TMEM132C: variants seen among roughly 807,000 people sequenced by gnomAD.
The protein encoded by TMEM132C is transmembrane protein 132C, also known as protein phosphatase 1, regulatory subunit 152.
A neutral mutation model predicts 61.4 loss-of-function variants in TMEM132C; 29 were observed. The observed-to-expected ratio is 0.47, with a 90% CI of 0.35 to 0.64. The LOEUF (loss-of-function observed/expected upper bound fraction) is 0.64, where lower values mean the gene tolerates loss of function less well. Ranked by LOEUF, TMEM132C falls within the 30% of genes least tolerant of loss-of-function variation. The pLI, the probability that TMEM132C is intolerant of heterozygous loss-of-function variation, is 0.00. For synonymous variants in TMEM132C, 656 were observed against 633.1 expected, an observed-to-expected ratio of 1.04 and a Z score of -0.54; for missense variants, 1,408 against 1,476.9, an observed-to-expected ratio of 0.95 and a Z score of 0.76.
rs1371764035 is a variant in TMEM132C, at chr12:128,707,462, A to G, written c.*1167A>G. 1 of 152,238 alleles carries G rather than the reference A, an allele frequency of 6.6e-6. No individual in the cohort carries two copies. Among genetic ancestry groups the G allele is most frequent in the Non-Finnish European group, 1.5e-5 (1 of 68,034 alleles). 9.4% of individuals were successfully genotyped at this position (152,238 alleles called of 1,614,324 possible). The stretch of plus-strand genomic sequence containing the variant: ...TTTCTTATGTTGTTGGGTGGGGTAT[A>G]CCAGCATAAACTCTAAAGATAAAAT... On this transcript the variant is annotated 3_prime_UTR_variant, in exon 9 of 9. Coordinates refer to ENST00000435159, the MANE Select transcript of TMEM132C (RefSeq NM_001136103.3).
At chr12:128,652,114 T>C (rs1954276749) in intron 4 of TMEM132C, among the ~76,000 whole-genome samples, 1 of 152,174 alleles carries the variant, frequency 6.6e-6, no homozygotes, top group African/African-American at 2.4e-5. Flanking sequence ...GACCTCTCTA[T>C]CCTTAGGGTT....
intron 2 of TMEM132C, among the ~76,000 whole-genome samples, chr12:128,536,255 G>A (rs575871977): frequency 2.6e-5 from 4 of 152,226 alleles, no homozygotes; most frequent in Non-Finnish European, 4.4e-5. Flanking sequence ...CATAGATGAT[G>A]CTGGAAACCA....
At position 128,477,845 on chromosome 12, in the gene TMEM132C, G is replaced by T. The variant is rs530068467; in HGVS notation, c.974+62225G>T. 3.3e-5 allele frequency among the ~76,000 whole-genome samples: 5 copies of T among 152,272 alleles called. No homozygotes were observed. In the South Asian group the frequency reaches 1.0e-3, roughly 32 times the overall value. On this transcript the variant is annotated intron_variant, in intron 2 of 8. Coordinates refer to ENST00000435159, the MANE Select transcript of TMEM132C (RefSeq NM_001136103.3). ...GATCTGCCCACCTCGGCCTCCCAGA[G>T]TGCTGGGGTTATAGGCGTGAGCCAC...
chr12:128,447,882 G>A (rs1194369864), intron 2 of TMEM132C, among the ~76,000 whole-genome samples: 4 of 119,760 alleles, frequency 3.3e-5, no homozygotes, highest in Non-Finnish European at 5.2e-5. Context: ...GCCCGCCACC[G>A]CGCCCGGCTA....
At position 128,668,300 on chromosome 12, in the gene TMEM132C, GAAGGGGGAAAAAAGATGTC is replaced by G. The variant is rs577102524; in HGVS notation, c.1306-1113_1306-1095del. On this transcript the variant is annotated intron_variant, in intron 4 of 8. Transcript: ENST00000435159. ...GGTTGAAGATGAGGGAAGGGGAGATGAAGGGGGAAAAAAGATGTCAAGAAAATTGACAGCATATAAGACA... is the reference window on the plus strand; with the variant it reads ...GGTTGAAGATGAGGGAAGGGGAGATGAAGAAAATTGACAGCATATAAGACA... 1.5e-3 allele frequency among the ~76,000 whole-genome samples: 226 copies of G among 151,976 alleles called. 1 individual carries two copies. Among genetic ancestry groups the G allele is most frequent in the Middle Eastern group, 6.8e-3 (2 of 294 alleles).
chr12:128,533,079 T>C (rs975151471), intron 2 of TMEM132C, among the ~76,000 whole-genome samples: 1 of 152,206 alleles, frequency 6.6e-6, no homozygotes, highest in African/African-American at 2.4e-5. Flanking sequence ...GATGCGTGTG[T>C]GCCATGCCTT....
chr12:128,436,532 G>A (rs1869596983), intron 2 of TMEM132C, among the ~76,000 whole-genome samples: 1 of 151,886 alleles, frequency 6.6e-6, no homozygotes, highest in African/African-American at 2.4e-5. Flanking sequence ...GCAGCCAACA[G>A]ACACATGAAA....
chr12:128,437,037 A>G (rs1869621118), intron 2 of TMEM132C, among the ~76,000 whole-genome samples: 1 of 152,186 alleles, frequency 6.6e-6, no homozygotes, highest in Admixed American at 6.5e-5. Flanking sequence ...TGAGCAAACT[A>G]TCACAAGGAC....
chr12:128,428,261 A>G (rs1179119070), intron 2 of TMEM132C, among the ~76,000 whole-genome samples: 2 of 151,404 alleles, frequency 1.3e-5, no homozygotes, highest in African/African-American at 4.9e-5. Flanking sequence ...AACTTTTGGG[A>G]GTTTCAGGTA....
chr12:128,519,834 A>G (rs1052824890), intron 2 of TMEM132C, among the ~76,000 whole-genome samples: 1 of 152,202 alleles, frequency 6.6e-6, no homozygotes, highest in African/African-American at 2.4e-5. Flanking sequence ...CCAAGCCTCT[A>G]CTGTAAGGTC....
intron 3 of TMEM132C, among the ~76,000 whole-genome samples, chr12:128,572,653 G>C (rs1874933702): frequency 6.6e-6 from 1 of 151,324 alleles, no homozygotes; most frequent in African/African-American, 2.4e-5. Flanking sequence ...ACCAGACCTG[G>C]GTCACATGCC....
chr12:128,376,435 A>C (rs760250101), intron 1 of TMEM132C, among the ~76,000 whole-genome samples: 2 of 152,226 alleles, frequency 1.3e-5, no homozygotes, highest in Non-Finnish European at 2.9e-5. Context: ...CCTTCGGGAC[A>C]TCTCTTGTTA....
chr12:128,311,463 C>T (rs536633133), intron 1 of TMEM132C, among the ~76,000 whole-genome samples: 3 of 152,292 alleles, frequency 2.0e-5, no homozygotes, highest in South Asian at 4.2e-4. Flanking sequence ...ACAGCAGGCT[C>T]TTGTTGGGAG....
intron 4 of TMEM132C, among the ~76,000 whole-genome samples, chr12:128,617,064 G>A (rs1284925560): frequency 6.6e-6 from 1 of 152,208 alleles, no homozygotes; most frequent in Non-Finnish European, 1.5e-5. Context: ...GTCTAGAAAA[G>A]TGTTTCTCAA....
chr12:128,521,319 A>ATGTG (rs1555229471), intron 2 of TMEM132C, among the ~76,000 whole-genome samples: 1,288 of 21,638 alleles, frequency 0.06, 20 homozygotes, highest in African/African-American at 0.088. Flanking sequence ...ATATATATAT[A>ATGTG]TGTGTGTGTG....
chr12:128,702,295 CTA>C (rs1198452690), intron 8 of TMEM132C, among the ~76,000 whole-genome samples: 1 of 151,434 alleles, frequency 6.6e-6, no homozygotes, highest in Admixed American at 6.6e-5. Flanking sequence ...ATTTCATAGA[CTA>C]TTTTTGTTGG....
chr12:128,623,865 A>G (rs1453945419), intron 4 of TMEM132C, among the ~76,000 whole-genome samples: 2 of 152,148 alleles, frequency 1.3e-5, no homozygotes, highest in Non-Finnish European at 2.9e-5. Flanking sequence ...AAAACAGAGA[A>G]TATTTACATA....
At chr12:128,498,384 A>C (rs1281931926) in intron 2 of TMEM132C, among the ~76,000 whole-genome samples, 1 of 150,300 alleles carries the variant, frequency 6.7e-6, no homozygotes, top group African/African-American at 2.4e-5. Context: ...ATAAAAAAAA[A>C]CCTTAAGAAG....
intron 2 of TMEM132C, among the ~76,000 whole-genome samples, chr12:128,539,966 C>G (rs978167891): frequency 2.0e-5 from 3 of 152,082 alleles, no homozygotes; most frequent in African/African-American, 7.2e-5. Context: ...GATTCATCCT[C>G]TTTCTTTTCT....
Sources: allele counts gnomAD v4.1 joint callset (sites outside exome capture counted in the v4.1 genomes callset), GRCh38; gene constraint gnomAD v4.1.1; transcripts MANE v1.5; gene names NCBI Gene and HGNC (gene_info 2026-07-23, HGNC 2026-07-21).